The following PHC3 variants were observed in gnomAD, a reference collection of about 807,000 sequenced individuals.
The protein encoded by PHC3 is polyhomeotic-like protein 3.
Under a neutral mutation model 107.4 loss-of-function variants are expected in PHC3, and 13 were observed. That is an observed-to-expected ratio of 0.12 (90% CI 0.08 to 0.19). The LOEUF (loss-of-function observed/expected upper bound fraction) is 0.19. PHC3 is among the 10% of genes least tolerant of loss of function. PHC3 has a pLI of 1.00. For synonymous variants in PHC3, 456 were observed against 427.4 expected, an observed-to-expected ratio of 1.07 and a Z score of -0.83; for missense variants, 992 against 1,210.9, an observed-to-expected ratio of 0.82 and a Z score of 2.68.
At position 170,129,168 on chromosome 3, in the gene PHC3, T is replaced by A. The variant is rs759856273; in HGVS notation, c.1304A>T (p.His435Leu). 3.1e-6 allele frequency: 5 copies of A among 1,613,460 alleles called. No homozygotes were observed. Among genetic ancestry groups the A allele is most frequent in the Non-Finnish European group, 1.7e-6 (2 of 1,179,670 alleles). ...IIHPQALIQP[H>L]PLVSSALQPG... ...CTGGAGAGCTGATGACACAAGAGGG[T>A]GTGGCTGAATAAGTGCTTGTGGATG... Residue 435 changes from histidine (H) to leucine (L), a missense_variant, in exon 8 of 15, where the codon CAC (histidine) becomes CTC (leucine). Transcript: ENST00000495893.
chr3:170,177,957 C>T (rs780596156), intron 2 of PHC3, among the ~76,000 whole-genome samples: 12 of 152,108 alleles, frequency 7.9e-5, no homozygotes, highest in Non-Finnish European at 1.3e-4. Context: ...AGGCGTGAGC[C>T]ACCACGCCTA....
At chr3:170,132,003 G>A (rs764450356) in intron 7 of PHC3, among the ~76,000 whole-genome samples, 9 of 151,994 alleles carry the variant, frequency 5.9e-5, no homozygotes, top group Non-Finnish European at 1.2e-4. Context: ...AAGACCAATT[G>A]ATAAGCACAT....
chr3:170,138,449 T>C (rs1723487233), intron 6 of PHC3, among the ~76,000 whole-genome samples: 1 of 152,012 alleles, frequency 6.6e-6, no homozygotes, highest in Non-Finnish European at 1.5e-5. Flanking sequence ...CCCATCACTT[T>C]GGGAGGCTGA....
In PHC3 at chr3:170,117,432, T is replaced by C; in HGVS notation, c.1987A>G (p.Ile663Val). Residue 663 changes from isoleucine (I) to valine (V), a missense_variant, in exon 10 of 15, where the codon ATT becomes GTT. Around this residue, in one of 6 missense-constraint regions of PHC3, gnomAD observed 543 missense variants for 590.8 expected, o/e 0.92. Transcript: ENST00000495893. ...PAVASVSASVIKSPSDPSHVS... is the reference protein window; with the variant it reads ...PAVASVSASVVKSPSDPSHVS... ...TGTGAGGGATCTGATGGAGATTTAA[T>C]TACTGAAGCACTGACTGATGCCACA... is the stretch of plus-strand genomic sequence containing the variant. 6.2e-7 allele frequency: 1 copy of C among 1,613,884 alleles called. No individual in the cohort carries two copies. The highest frequency in any genetic ancestry group is 8.5e-7 in the Non-Finnish European group (1 of 1,179,834).
rs1714753434 is a variant in PHC3 at position 170,097,328 on chromosome 3, G to A, written c.2890C>T (p.Leu964Phe). 4 of 1,613,494 alleles carry A rather than the reference G, an allele frequency of 2.5e-6. No homozygotes were observed. The highest frequency in any genetic ancestry group is 2.5e-6 in the Non-Finnish European group (3 of 1,179,652). The change falls in exon 15 of 15, where the codon CTC (leucine) becomes TTC (phenylalanine). Residue 964 changes from leucine to phenylalanine, a missense_variant. Coordinates refer to ENST00000495893, the MANE Select transcript of PHC3 (RefSeq NM_024947.4). The surrounding 1 kb of genome is among the most constrained non-coding windows in gnomAD (Gnocchi z 4.1). ...ATGAGATGGTCTTCTTTCAGCAAGA[G>A]AAGGGCCTGTCCATCAATCTCCTGT... ...RAQEIDGQAL[L>F]LLKEDHLMSA...
intron 2 of PHC3, among the ~76,000 whole-genome samples, chr3:170,174,542 A>C (rs1730114045): frequency 6.6e-6 from 1 of 152,226 alleles, no homozygotes; most frequent in Non-Finnish European, 1.5e-5. Flanking sequence ...TGACTCTGAA[A>C]CAGCACAGAA....
At chr3:170,127,090 CCT>C (rs200802277) in intron 8 of PHC3, among the ~76,000 whole-genome samples, 1,891 of 152,082 alleles carry the variant, frequency 0.012, 40 homozygotes, top group African/African-American at 0.043. Context: ...TTCCTATACC[CCT>C]GTTTTTGTTA....
intron 9 of PHC3, among the ~76,000 whole-genome samples, chr3:170,119,612 A>C (rs926826666): frequency 3.3e-5 from 5 of 152,200 alleles, no homozygotes; most frequent in African/African-American, 9.6e-5. Context: ...ATTTAAGAGA[A>C]GTATGAGAGA....
intron 10 of PHC3, among the ~76,000 whole-genome samples, chr3:170,116,381 T>C (rs115411445): frequency 0.012 from 1,855 of 152,000 alleles, 40 homozygotes; most frequent in African/African-American, 0.042. Flanking sequence ...CTGGTCAAGA[T>C]GGTGAAACCC....
Position 170,128,979 on chromosome 3 carries a change from T to C in PHC3, c.1493A>G (p.His498Arg), listed in dbSNP as rs149473205. 441 of 1,613,814 alleles carry C rather than the reference T, an allele frequency of 2.7e-4. 1 individual carries two copies. In the African/African-American group the frequency reaches 4.1e-3, roughly 15 times the overall value. Residue 498 changes from histidine to arginine, a missense_variant, in exon 8 of 15, where the codon CAC becomes CGC. By Grantham distance (29) the His-to-Arg change is conservative. Coordinates refer to ENST00000495893, the MANE Select transcript of PHC3 (RefSeq NM_024947.4). ...GGACTGCAGGGATGAATATTGCTGG[T>C]GTGATGGAGAGACAATCTGCTGGCC... is the stretch of plus-strand genomic sequence containing the variant. ...SPGQQIVSPS[H>R]QQYSSLQSSP...
In PHC3 at chr3:170,096,071, T is replaced by C. The variant is rs550300759; in HGVS notation, c.*1159A>G. The C allele has an allele frequency of 4.6e-5, 7 of 152,316 alleles. No individual in the cohort carries two copies. Among genetic ancestry groups the C allele is most frequent in the African/African-American group, 1.7e-4 (7 of 41,578 alleles). 9.4% of individuals were successfully genotyped at this position (152,316 alleles called of 1,614,324 possible). On this transcript the variant is annotated 3_prime_UTR_variant, in exon 15 of 15. Coordinates refer to ENST00000495893, the MANE Select transcript of PHC3 (RefSeq NM_024947.4). ...CACTAGTTCATAGGTATAATCATATTATGTCTTCGTCAGTGCAGAGGAGCA... is the reference window on the plus strand; with the variant it reads ...CACTAGTTCATAGGTATAATCATATCATGTCTTCGTCAGTGCAGAGGAGCA...
At chr3:170,144,006 A>G (rs529995723) in intron 6 of PHC3, among the ~76,000 whole-genome samples, 6 of 152,212 alleles carry the variant, frequency 3.9e-5, no homozygotes, top group African/African-American at 1.4e-4. Context: ...AAGATTCATC[A>G]GTATTTCTGA....
intron 4 of PHC3, among the ~76,000 whole-genome samples, chr3:170,163,253 C>T (rs1728184556): frequency 6.7e-6 from 1 of 149,850 alleles, no homozygotes. Flanking sequence ...ACTAGAAAGT[C>T]ATAAAAAAAA....
At chr3:170,106,184 C>T (rs2108292992) in intron 12 of PHC3, among the ~76,000 whole-genome samples, 1 of 152,246 alleles carries the variant, frequency 6.6e-6, no homozygotes. Context: ...TGCACTCCAG[C>T]CTGGGCTATA....
chr3:170,137,665 G>A (rs1723321490), intron 6 of PHC3, among the ~76,000 whole-genome samples: 1 of 152,170 alleles, frequency 6.6e-6, no homozygotes, highest in African/African-American at 2.4e-5. Flanking sequence ...TTGGGAAATC[G>A]AGGCAGGCAG....
intron 14 of PHC3, among the ~76,000 whole-genome samples, chr3:170,101,063 T>C (rs530923195): frequency 6.6e-6 from 1 of 152,318 alleles, no homozygotes; most frequent in South Asian, 2.1e-4. Context: ...CTGGTTTCAT[T>C]AGATACTAAA....
chr3:170,135,634 A>G (rs1185009461), intron 7 of PHC3, among the ~76,000 whole-genome samples: 1 of 152,056 alleles, frequency 6.6e-6, no homozygotes, highest in Non-Finnish European at 1.5e-5. Flanking sequence ...GAGAAGATAA[A>G]AGACGCTGTA....
chr3:170,168,636 C>A (rs1729104640), intron 4 of PHC3, among the ~76,000 whole-genome samples: 2 of 151,940 alleles, frequency 1.3e-5, no homozygotes, highest in Admixed American at 1.3e-4. Context: ...CGCCTGTAGT[C>A]CCAGCTACTC....
intron 4 of PHC3, among the ~76,000 whole-genome samples, chr3:170,168,288 T>C (rs756263534): frequency 2.6e-5 from 4 of 152,150 alleles, no homozygotes; most frequent in Non-Finnish European, 4.4e-5. Context: ...TATGCAAACA[T>C]ATTTTCTCCC....
Sources: gnomAD v4.1 joint callset for allele counts (sites outside exome capture counted in the v4.1 genomes callset) on GRCh38, gnomAD v4.1.1 for gene constraint, gnomAD v4.1.1 regional missense constraint, Gnocchi (gnomAD v3.1) non-coding constraint, MANE v1.5 for transcripts, NCBI Gene and HGNC (gene_info 2026-07-23, HGNC 2026-07-21) for gene names.